The following R3HCC1L variants were observed in gnomAD, a reference collection of about 807,000 sequenced individuals.
R3HCC1L encodes the protein R3H domain and coiled-coil containing 1 like, also known as coiled-coil domain-containing protein R3HCC1L.
A neutral mutation model predicts 59.9 loss-of-function variants in R3HCC1L; 51 were observed. The ratio of observed to expected loss-of-function variants is 0.85; its 90% confidence interval spans 0.68 to 1.07. The LOEUF (loss-of-function observed/expected upper bound fraction) is 1.07. Ranked by LOEUF, R3HCC1L falls within the 50% of genes least tolerant of loss-of-function variation. R3HCC1L has a pLI of 0.00. For missense variants in R3HCC1L, 965 were observed against 933.0 expected (o/e 1.03, Z -0.45); for synonymous variants, 322 against 315.2 (o/e 1.02, Z -0.23).
chr10:98,224,800 T>G (rs913943863), intron 5 of R3HCC1L, among the ~76,000 whole-genome samples: 49 of 152,318 alleles, frequency 3.2e-4, no homozygotes, highest in Middle Eastern at 3.4e-3. Flanking sequence ...TTCTTAGCCC[T>G]AATAAAAAAT....
chr10:98,241,898 A>G (rs1046548483), intron 9 of R3HCC1L, among the ~76,000 whole-genome samples: 1 of 152,140 alleles, frequency 6.6e-6, no homozygotes, highest in Non-Finnish European at 1.5e-5. Flanking sequence ...ATCCTGACCT[A>G]CATTTCTCTA....
At chr10:98,231,755 A>G in intron 6 of R3HCC1L, 68 bp downstream of exon 6, 2 of 1,407,918 alleles carry the variant, frequency 1.4e-6, no homozygotes, top group Non-Finnish European at 1.9e-6. Context: ...GTTTTCTGAG[A>G]AATCATCTCT....
At chr10:98,163,873 A>G (rs1196982792) in intron 4 of R3HCC1L, among the ~76,000 whole-genome samples, 1 of 152,256 alleles carries the variant, frequency 6.6e-6, no homozygotes, top group Non-Finnish European at 1.5e-5. Flanking sequence ...TAACTTAGAA[A>G]TGAAAAAAGA....
intron 6 of R3HCC1L, among the ~76,000 whole-genome samples, chr10:98,232,483 A>G (rs1200613241): frequency 6.6e-6 from 1 of 152,244 alleles, no homozygotes; most frequent in Non-Finnish European, 1.5e-5. Context: ...AGTTAGAAGT[A>G]GATACCTTTG....
chr10:98,189,606 A>G (rs927530954), intron 4 of R3HCC1L, among the ~76,000 whole-genome samples: 1 of 152,110 alleles, frequency 6.6e-6, no homozygotes, highest in South Asian at 2.1e-4. Context: ...TATATTTTGT[A>G]TAACCTGGTT....
Position 98,235,422 on chromosome 10 carries a change from C to G in R3HCC1L, c.2033-3C>G, listed in dbSNP as rs1186265134. 6.2e-7 allele frequency: 1 copy of G among 1,612,076 alleles called. No homozygotes were observed. Among genetic ancestry groups the G allele is most frequent in the African/African-American group, 1.3e-5 (1 of 74,956 alleles). ...TTCTGCTTCCTTTTATTCCTCTTTG[C>G]AGCTCGTGATGCGTTGGGTATTAAA... is the stretch of plus-strand genomic sequence containing the variant. On this transcript the variant is annotated splice_region_variant and splice_polypyrimidine_tract_variant and intron_variant, in intron 7 of 9. Transcript: ENST00000298999.
intron 9 of R3HCC1L, among the ~76,000 whole-genome samples, chr10:98,237,340 T>C (rs1252473324): frequency 6.6e-6 from 1 of 152,218 alleles, no homozygotes; most frequent in Non-Finnish European, 1.5e-5. Context: ...TGGTTGTCTC[T>C]GAAGAAAATG....
In R3HCC1L at chr10:98,234,485, T is replaced by G; in HGVS notation, c.2001T>G (p.His667Gln). ...ATATTAAATGGGTGGATGATACACATGCCCTAGGAGTATTCTCCAGTCCAA... is the reference window on the plus strand; with the variant it reads ...ATATTAAATGGGTGGATGATACACAGGCCCTAGGAGTATTCTCCAGTCCAA... ...GFDIKWVDDT[H>Q]ALGVFSSPIT... Residue 667 changes from histidine (H) to glutamine (Q), a missense_variant, in exon 7 of 10, where the codon CAT becomes CAG. Transcript: ENST00000298999. The G allele has an allele frequency of 6.2e-7, 1 of 1,613,564 alleles. No homozygotes were observed. Among genetic ancestry groups the G allele is most frequent in the Non-Finnish European group, 8.5e-7 (1 of 1,179,718 alleles).
intron 1 of R3HCC1L, among the ~76,000 whole-genome samples, chr10:98,138,150 A>C (rs1400772655): frequency 6.6e-6 from 1 of 152,238 alleles, no homozygotes; most frequent in Non-Finnish European, 1.5e-5. Context: ...ACTTCCTTCA[A>C]GTGCCATGTT....
intron 4 of R3HCC1L, among the ~76,000 whole-genome samples, chr10:98,182,797 G>GTA (rs1160283763): frequency 1.3e-5 from 2 of 152,196 alleles, no homozygotes; most frequent in African/African-American, 4.8e-5. Context: ...ATCTTGGACT[G>GTA]CTGTACTAGT....
chr10:98,182,857 A>G (rs1849787139), intron 4 of R3HCC1L, among the ~76,000 whole-genome samples: 2 of 152,212 alleles, frequency 1.3e-5, no homozygotes, highest in South Asian at 4.1e-4. Flanking sequence ...GTCAAGGGAT[A>G]TAATCTCCTG....
intron 1 of R3HCC1L, among the ~76,000 whole-genome samples, chr10:98,151,023 G>T (rs1846103614): frequency 6.6e-6 from 1 of 152,108 alleles, no homozygotes; most frequent in Admixed American, 6.5e-5. Context: ...GGTGAAAGGG[G>T]CATCATGGTT....
chr10:98,223,089 C>T (rs1240372247), intron 5 of R3HCC1L, among the ~76,000 whole-genome samples: 4 of 152,068 alleles, frequency 2.6e-5, no homozygotes, highest in Non-Finnish European at 2.9e-5. Flanking sequence ...GATGGATTCA[C>T]AGCTGAATTC....
chr10:98,146,204 T>A (rs1481649845), intron 1 of R3HCC1L, among the ~76,000 whole-genome samples: 1 of 152,104 alleles, frequency 6.6e-6, no homozygotes, highest in Non-Finnish European at 1.5e-5. Flanking sequence ...TGTTGACAAA[T>A]AATTTGCATA....
At chr10:98,153,018 G>C (rs1590426837) in intron 1 of R3HCC1L, among the ~76,000 whole-genome samples, 3 of 145,094 alleles carry the variant, frequency 2.1e-5, no homozygotes, top group Middle Eastern at 8.8e-3. Context: ...CCCGGCCGCC[G>C]CCCCGTCCGG....
chr10:98,240,593 T>C (rs543427142), intron 9 of R3HCC1L, among the ~76,000 whole-genome samples: 1 of 152,350 alleles, frequency 6.6e-6, no homozygotes, highest in South Asian at 2.1e-4. Context: ...CCTAGTTTGA[T>C]TAATTAAATC....
chr10:98,169,300 T>C (rs1171357699), intron 4 of R3HCC1L, among the ~76,000 whole-genome samples: 1 of 152,206 alleles, frequency 6.6e-6, no homozygotes, highest in Non-Finnish European at 1.5e-5. Context: ...AGTAGTTAAG[T>C]GCAGGGACTT....
At position 98,236,143 on chromosome 10, in the gene R3HCC1L, A is replaced by T. The variant is rs1489953091; in HGVS notation, c.2248A>T (p.Lys750Ter). 6.2e-7 allele frequency: 1 copy of T among 1,613,638 alleles called. No individual in the cohort carries two copies. The highest frequency in any genetic ancestry group is 8.5e-7 in the Non-Finnish European group (1 of 1,179,762). Reference sequence around the variant, plus strand: ...CAAAACCGAACGAGAAGCAGAGCTCAAGAAACTGCAAGAAGCCAGAGGTGA... The same window carrying T: ...CAAAACCGAACGAGAAGCAGAGCTCTAGAAACTGCAAGAAGCCAGAGGTGA... ...QSKTEREAEL[K>*]KLQEARERKR... Residue 750 changes from lysine (K) to a stop codon, truncating the protein, a stop_gained, in exon 9 of 10, where the codon AAG becomes TAG. Transcript: ENST00000298999. LOFTEE classifies it high-confidence loss of function.
At chr10:98,137,783 A>G (rs1844740382) in intron 1 of R3HCC1L, among the ~76,000 whole-genome samples, 1 of 152,236 alleles carries the variant, frequency 6.6e-6, no homozygotes, top group Admixed American at 6.5e-5. Flanking sequence ...TAAGAATGCA[A>G]TTCTGTACAT....
Sources: gnomAD v4.1 joint callset for allele counts (sites outside exome capture counted in the v4.1 genomes callset) on GRCh38, gnomAD v4.1.1 for gene constraint, MANE v1.5 for transcripts, NCBI Gene and HGNC (gene_info 2026-07-23, HGNC 2026-07-21) for gene names.